Variants in AAK1 observed in about 807,000 individuals in gnomAD.
AAK1 encodes the protein AP2-associated protein kinase 1.
Under a neutral mutation model 116.0 loss-of-function variants are expected in AAK1, and 37 were observed. The ratio of observed to expected loss-of-function variants is 0.32; its 90% CI spans 0.25 to 0.42. The LOEUF (loss-of-function observed/expected upper bound fraction) is 0.42, where lower values mean the gene tolerates loss of function less well. Among genes scored for constraint, AAK1 ranks in the 10% least tolerant of loss-of-function variants. The probability of loss-of-function intolerance (pLI) is 1.00; values close to 1 mark genes in which losing one functional copy is unlikely to be tolerated. For synonymous variants in AAK1, 458 were observed against 439.9 expected, an observed-to-expected ratio of 1.04 and a Z score of -0.51; for missense variants, 919 against 1,170.6, an observed-to-expected ratio of 0.79 and a Z score of 3.14.
At chr2:69,518,015 G>A (rs1392987769) in intron 12 of AAK1, among the ~76,000 whole-genome samples, 1 of 152,168 alleles carries the variant, frequency 6.6e-6, no homozygotes, top group African/African-American at 2.4e-5. Flanking sequence ...CTAGCTACTT[G>A]AGAGACTCAG....
rs562792899 is a variant in AAK1, at chr2:69,483,530, A to G, written c.2366-718T>C. 5.3e-5 allele frequency among the ~76,000 whole-genome samples: 8 copies of G among 152,358 alleles called. No homozygotes were observed. The East Asian group carries it at 1.5e-3, about 29-fold the overall frequency. On this transcript the variant is annotated intron_variant, in intron 17 of 21. Coordinates refer to ENST00000409085, the MANE Select transcript of AAK1 (RefSeq NM_014911.5). ...AAGCTGGTAAAAATAAAGCTGCCAT[A>G]AACATTTGCATATAAATCTTTGTAT... is the stretch of plus-strand genomic sequence containing the variant.
Position 69,462,820 on chromosome 2 carries a change from T to A in AAK1, c.*13049A>T, listed in dbSNP as rs556525238. The stretch of plus-strand genomic sequence containing the variant: ...AAAGTTCCACGTGCATTAGCCGAAA[T>A]TATTCATTCAACTAGAAAGACAATT... On this transcript the variant is annotated 3_prime_UTR_variant, in exon 22 of 22. Transcript: ENST00000409085. 1 of 152,284 alleles carries A rather than the reference T, an allele frequency of 6.6e-6. No individual in the cohort carries two copies. The highest frequency in any genetic ancestry group is 1.9e-4 in the East Asian group (1 of 5,186). The allele number at this position is 152,284 out of a possible 1,614,324, so 9.4% of individuals were successfully genotyped here.
chr2:69,466,900 A>T lies in AAK1; in HGVS notation c.*8969T>A, dbSNP rs888961693. 5.1e-6 allele frequency: 5 copies of T among 985,312 alleles called. No homozygotes were observed. The African/African-American group carries it at 7.0e-5, about 14-fold the overall frequency. The allele number at this position is 985,312 out of a possible 1,614,324, so 61.0% of individuals were successfully genotyped here. ...CTCATTATGGAATGAAAACAAACCC[A>T]GTCATTCATCTCCACATATACCATG... On this transcript the variant is annotated 3_prime_UTR_variant, in exon 22 of 22. Coordinates refer to ENST00000409085, the MANE Select transcript of AAK1 (RefSeq NM_014911.5).
intron 2 of AAK1, among the ~76,000 whole-genome samples, chr2:69,586,699 A>T (rs1465836913): frequency 6.6e-6 from 1 of 152,180 alleles, no homozygotes; most frequent in South Asian, 2.1e-4. Flanking sequence ...AGTTGGAAAG[A>T]TTATCCCTAG....
At chr2:69,555,463 T>G (rs966888007) in intron 3 of AAK1, among the ~76,000 whole-genome samples, 1 of 152,186 alleles carries the variant, frequency 6.6e-6, no homozygotes, top group Non-Finnish European at 1.5e-5. Flanking sequence ...AAAGGCCACA[T>G]AGGGTGAACA....
At chr2:69,563,264 T>C (rs888361131) in intron 2 of AAK1, among the ~76,000 whole-genome samples, 7 of 152,134 alleles carry the variant, frequency 4.6e-5, no homozygotes, top group African/African-American at 1.4e-4. Context: ...GACTTCCACT[T>C]TGCAAGGAAA....
intron 3 of AAK1, among the ~76,000 whole-genome samples, chr2:69,546,666 G>C (rs1349262918): frequency 6.6e-6 from 1 of 152,200 alleles, no homozygotes; most frequent in Non-Finnish European, 1.5e-5. Context: ...ACCATGCTAT[G>C]GTTTGAAGGC....
chr2:69,643,203 T>G lies in AAK1; in HGVS notation c.-163A>C. ...GGGGTGGGGGCTGAGGGAGGATGCC[T>G]ATAGGAATATGCGTGTCAATCGCGC... On this transcript the variant is annotated 5_prime_UTR_variant, in exon 2 of 22. Coordinates refer to ENST00000409085, the MANE Select transcript of AAK1 (RefSeq NM_014911.5). 1 of 1,429,146 alleles carries G rather than the reference T, an allele frequency of 7.0e-7. No homozygotes were observed. The highest frequency in any genetic ancestry group is 1.4e-5 in the African/African-American group (1 of 69,020). 88.5% of individuals were successfully genotyped at this position (1,429,146 alleles called of 1,614,324 possible). A position where few individuals can be genotyped will look rare whatever the true frequency, so the allele number is the denominator to read the frequency against.
At chr2:69,633,019 CA>C (rs1479867682) in intron 2 of AAK1, among the ~76,000 whole-genome samples, 1 of 148,298 alleles carries the variant, frequency 6.7e-6, no homozygotes, top group Non-Finnish European at 1.5e-5. Flanking sequence ...GGTGACAGAG[CA>C]AGACTCCGTC....
At position 69,632,681 on chromosome 2, in the gene AAK1, G is replaced by A. The variant is rs1349781627; in HGVS notation, c.163+10197C>T. 2.6e-5 allele frequency among the ~76,000 whole-genome samples: 4 copies of A among 152,150 alleles called. No homozygotes were observed. The South Asian group carries it at 6.2e-4, about 24-fold the overall frequency. On this transcript the variant is annotated intron_variant, in intron 2 of 21. Transcript: ENST00000409085. ...TGGGAGACCAAGGCAGGCAGATCAC[G>A]AGGTCAGGAGATCGAGACCATCCTG...
At chr2:69,617,127 A>G (rs1381539926) in intron 2 of AAK1, among the ~76,000 whole-genome samples, 1 of 152,222 alleles carries the variant, frequency 6.6e-6, no homozygotes, top group Non-Finnish European at 1.5e-5. Context: ...CCCTGTGCCT[A>G]GGCCCTCATT....
chr2:69,626,723 C>A (rs1674919127), intron 2 of AAK1, among the ~76,000 whole-genome samples: 1 of 145,004 alleles, frequency 6.9e-6, no homozygotes, highest in African/African-American at 2.6e-5. Flanking sequence ...TGGTCTTGAA[C>A]TCCTGGGCTC....
chr2:69,579,346 G>C (rs918124603), intron 2 of AAK1, among the ~76,000 whole-genome samples: 2 of 152,140 alleles, frequency 1.3e-5, no homozygotes, highest in African/African-American at 4.8e-5. Flanking sequence ...TTGGGAGGCC[G>C]AGGTGGGAGA....
chr2:69,574,608 G>A (rs1012633651), intron 2 of AAK1, among the ~76,000 whole-genome samples: 3 of 150,728 alleles, frequency 2.0e-5, no homozygotes, highest in Non-Finnish European at 4.4e-5. Context: ...GAGAGAGAGA[G>A]ATATTTGGCT....
rs563040133 is a variant in AAK1, at chr2:69,548,296, T to A, written c.283-3752A>T. On this transcript the variant is annotated intron_variant, in intron 3 of 21. Coordinates refer to ENST00000409085, the MANE Select transcript of AAK1 (RefSeq NM_014911.5). ...GACTGGGAGGAAAATAGATTTTTTGTAAGTCAACACACAGGAGGAGAAAAG... is the reference window on the plus strand; with the variant it reads ...GACTGGGAGGAAAATAGATTTTTTGAAAGTCAACACACAGGAGGAGAAAAG... Among the ~76,000 whole-genome samples the A allele has an allele frequency of 1.4e-4, 21 of 148,498 alleles. 1 individual carries two copies. The South Asian group carries it at 2.2e-3, about 15-fold the overall frequency.
chr2:69,557,511 C>G, intron 2 of AAK1, among the ~76,000 whole-genome samples: 1 of 152,070 alleles, frequency 6.6e-6, no homozygotes, highest in Non-Finnish European at 1.5e-5. Context: ...CTATGTTGCC[C>G]AGGCTAGTCT....
chr2:69,563,335 G>A (rs1456803749), intron 2 of AAK1, among the ~76,000 whole-genome samples: 1 of 152,190 alleles, frequency 6.6e-6, no homozygotes. Flanking sequence ...GTGATTATCT[G>A]AGAAGTGATG....
chr2:69,519,298 T>C, intron 11 of AAK1, 58 bp from the exon 12 acceptor site: 30 of 1,470,026 alleles, frequency 2.0e-5, no homozygotes, highest in Non-Finnish European at 2.7e-5. Context: ...AAAAATGGCT[T>C]TCTGTCTTGC....
intron 21 of AAK1, among the ~76,000 whole-genome samples, chr2:69,476,412 T>C (rs1674860229): frequency 6.6e-6 from 1 of 152,190 alleles, no homozygotes; most frequent in Non-Finnish European, 1.5e-5. Flanking sequence ...GATGGTCCCA[T>C]GGTAATTTAG....
Sources: allele counts gnomAD v4.1 joint callset (sites outside exome capture counted in the v4.1 genomes callset), GRCh38; gene constraint gnomAD v4.1.1; transcripts MANE v1.5; gene names NCBI Gene and HGNC (gene_info 2026-07-23, HGNC 2026-07-21).